The following SYNDIG1L variants were observed in gnomAD, a reference collection of about 807,000 sequenced individuals.
The protein encoded by SYNDIG1L is synapse differentiation inducing 1 like.
Under a neutral mutation model 20.1 loss-of-function variants are expected in SYNDIG1L, and 13 were observed. That is an observed-to-expected ratio of 0.65 (90% CI 0.42 to 1.03). The LOEUF (loss-of-function observed/expected upper bound fraction) is 1.03. Among genes scored for constraint, SYNDIG1L ranks in the 50% least tolerant of loss-of-function variants. The pLI is 0.00. For missense variants in SYNDIG1L, 294 were observed against 305.1 expected (o/e 0.96, Z 0.27); for synonymous variants, 128 against 129.3 (o/e 0.99, Z 0.07).
At chr14:74,458,482 C>T in the SYNDIG1L span, among the ~76,000 whole-genome samples, 10 of 151,722 alleles carry the variant, frequency 6.6e-5, no homozygotes, top group African/African-American at 2.2e-4. Context: ...ATTAGCTGGG[C>T]GTGGTGGCAG....
Position 74,405,985 on chromosome 14 carries a change from G to T in SYNDIG1L, c.*1550C>A. On this transcript the variant is annotated 3_prime_UTR_variant, in exon 4 of 4. Transcript: ENST00000331628. Reference sequence around the variant, plus strand: ...TGATGCAGGAGTGGAGGGCTGGGCAGTGCCCGAGGCAGGGGAGGACAGTGG... The same window carrying T: ...TGATGCAGGAGTGGAGGGCTGGGCATTGCCCGAGGCAGGGGAGGACAGTGG... 2.5e-6 allele frequency: 1 copy of T among 398,934 alleles called. No homozygotes were observed. The highest frequency in any genetic ancestry group is 4.4e-6 in the Non-Finnish European group (1 of 226,276). The allele number at this position is 398,934 out of a possible 1,614,324, so 24.7% of individuals were successfully genotyped here.
the SYNDIG1L span, among the ~76,000 whole-genome samples, chr14:74,473,107 C>T: frequency 5.0e-4 from 76 of 152,248 alleles, no homozygotes; most frequent in African/African-American, 1.6e-3. Flanking sequence ...CCAGGCTGGG[C>T]GCGGTGGCTC....
chr14:74,440,555 G>C, the SYNDIG1L span, among the ~76,000 whole-genome samples: 1 of 150,030 alleles, frequency 6.7e-6, no homozygotes, highest in Non-Finnish European at 1.5e-5. Flanking sequence ...CATGGTGGCA[G>C]GCGCCTGTAG....
upstream of SYNDIG1L, among the ~76,000 whole-genome samples, chr14:74,429,785 A>G (rs2086290474): frequency 6.6e-6 from 1 of 152,230 alleles, no homozygotes; most frequent in South Asian, 2.1e-4. Flanking sequence ...GGCTGTAAGC[A>G]AATAGTGGGA....
the SYNDIG1L span, among the ~76,000 whole-genome samples, chr14:74,440,979 C>T: frequency 6.6e-6 from 1 of 152,060 alleles, no homozygotes; most frequent in Non-Finnish European, 1.5e-5. Context: ...GTTTTTTTAT[C>T]TGTAAAGTGG....
At chr14:74,472,611 TTG>T in the SYNDIG1L span, among the ~76,000 whole-genome samples, 1 of 152,132 alleles carries the variant, frequency 6.6e-6, no homozygotes, top group African/African-American at 2.4e-5. Flanking sequence ...TAGTGTTGAA[TTG>T]TGTCATGAAG....
the SYNDIG1L span, chr14:74,476,256 T>C: frequency 1.7e-6 from 1 of 602,198 alleles, no homozygotes; most frequent in Admixed American, 2.9e-5. Context: ...GCTGGCCTGC[T>C]CTCTGCTTTT....
chr14:74,471,680 GATTCA>G, the SYNDIG1L span, among the ~76,000 whole-genome samples: 8 of 152,204 alleles, frequency 5.3e-5, no homozygotes, highest in South Asian at 1.2e-3. Context: ...GTTTGCTATG[GATTCA>G]ATTCAACATT....
chr14:74,473,361 G>C, the SYNDIG1L span, among the ~76,000 whole-genome samples: 1 of 151,996 alleles, frequency 6.6e-6, no homozygotes, highest in Non-Finnish European at 1.5e-5. Context: ...CTCTAGCCTG[G>C]GCGACAGAGT....
rs1036457488 is a variant in SYNDIG1L, at chr14:74,406,160, A to T, written c.*1375T>A. 4.0e-5 allele frequency: 16 copies of T among 398,598 alleles called. No homozygotes were observed. The highest frequency in any genetic ancestry group is 7.1e-5 in the Non-Finnish European group (16 of 226,340). The allele number at this position is 398,598 out of a possible 1,614,324, so 24.7% of individuals were successfully genotyped here. On this transcript the variant is annotated 3_prime_UTR_variant, in exon 4 of 4. Transcript: ENST00000331628. ...GGTGCTGCCCCCCGCCTACCTGGAG[A>T]TGTCTCTAAAATTCTGGATGTGCCC...
the SYNDIG1L span, among the ~76,000 whole-genome samples, chr14:74,477,366 T>C: frequency 6.6e-6 from 1 of 152,172 alleles, no homozygotes; most frequent in Non-Finnish European, 1.5e-5. Context: ...CTGAAGTGAA[T>C]GGCTGATCCC....
At position 74,406,317 on chromosome 14, in the gene SYNDIG1L, G is replaced by T; in HGVS notation, c.*1218C>A. The T allele has an allele frequency of 2.6e-6, 1 of 379,088 alleles. No individual in the cohort carries two copies. Among genetic ancestry groups the T allele is most frequent in the Non-Finnish European group, 4.7e-6 (1 of 214,248 alleles). The allele number at this position is 379,088 out of a possible 1,614,324, so 23.5% of individuals were successfully genotyped here. A position where few individuals can be genotyped will look rare whatever the true frequency, so the allele number is the denominator to read the frequency against. Reference sequence around the variant, plus strand: ...AACATCATTGGTCTTTGAGAGACAGGTGTGACGTTCCTCCTTGAGTTGGCA... The same window carrying T: ...AACATCATTGGTCTTTGAGAGACAGTTGTGACGTTCCTCCTTGAGTTGGCA... On this transcript the variant is annotated 3_prime_UTR_variant, in exon 4 of 4. Coordinates refer to ENST00000331628, the MANE Select transcript of SYNDIG1L (RefSeq NM_001105579.2).
chr14:74,467,894 C>G, the SYNDIG1L span, among the ~76,000 whole-genome samples: 34,588 of 151,676 alleles, frequency 0.23, 4,378 homozygotes, highest in African/African-American at 0.33. Context: ...CATCCCCTGT[C>G]CATCCTAAGG....
At chr14:74,447,850 T>C in the SYNDIG1L span, among the ~76,000 whole-genome samples, 12 of 152,084 alleles carry the variant, frequency 7.9e-5, no homozygotes, top group Admixed American at 2.6e-4. Flanking sequence ...ATAAAATGTA[T>C]GACAACAATA....
the SYNDIG1L span, chr14:74,474,096 T>C: frequency 6.6e-6 from 1 of 152,200 alleles, no homozygotes; most frequent in Non-Finnish European, 1.5e-5. Flanking sequence ...GATATTAATA[T>C]TCCCAGTATG....
At chr14:74,436,576 C>T in the SYNDIG1L span, among the ~76,000 whole-genome samples, 10 of 151,928 alleles carry the variant, frequency 6.6e-5, no homozygotes, top group Admixed American at 6.6e-4. Flanking sequence ...CAGCTGGGTG[C>T]AGTGGCTCAC....
chr14:74,414,691 G>C (rs773404108), intron 1 of SYNDIG1L, among the ~76,000 whole-genome samples: 1 of 152,190 alleles, frequency 6.6e-6, no homozygotes, highest in Non-Finnish European at 1.5e-5. Flanking sequence ...ATTGGGAGAA[G>C]AAGAATAACT....
At chr14:74,416,983 C>T (rs1352981790) in intron 1 of SYNDIG1L, among the ~76,000 whole-genome samples, 2 of 152,196 alleles carry the variant, frequency 1.3e-5, no homozygotes, top group East Asian at 1.9e-4. Flanking sequence ...GGAAGTCTGA[C>T]GTCAGAATCA....
At position 74,407,642 on chromosome 14, in the gene SYNDIG1L, G is replaced by C. The variant is rs761488503; in HGVS notation, c.610C>G (p.Arg204Gly). Residue 204 changes from arginine (R) to glycine (G), a missense_variant, in exon 4 of 4, where the codon CGC becomes GGC. By Grantham distance (125) the Arg-to-Gly change is moderately radical (BLOSUM62 -2). Transcript: ENST00000331628. ...GDFRLASTTSRRALFLATLAI... is the reference protein window; with the variant it reads ...GDFRLASTTSGRALFLATLAI... ...AGTGTGGCTAGGAAGAGGGCCCGGC[G>C]GGAGGTGGTGCTGGCCAGGCGGAAG... is the stretch of plus-strand genomic sequence containing the variant. 1.9e-6 allele frequency: 3 copies of C among 1,613,838 alleles called. No homozygotes were observed. In the South Asian group the frequency reaches 3.3e-5, roughly 18 times the overall value.
Sources: gnomAD v4.1 joint callset for allele counts (sites outside exome capture counted in the v4.1 genomes callset) on GRCh38, gnomAD v4.1.1 for gene constraint, MANE v1.5 for transcripts, NCBI Gene and HGNC (gene_info 2026-07-23, HGNC 2026-07-21) for gene names.